Variants in TOR1AIP1 observed in about 807,000 individuals in gnomAD.
TOR1AIP1 encodes the protein torsin-1A-interacting protein 1.
A neutral mutation model predicts 63.3 loss-of-function variants in TOR1AIP1; 54 were observed. The observed-to-expected ratio is 0.85, with a 90% CI of 0.69 to 1.07. TOR1AIP1 has a LOEUF of 1.07. TOR1AIP1 is among the 50% of genes least tolerant of loss of function. The probability of loss-of-function intolerance (pLI) is 0.00; values close to 1 mark genes in which losing one functional copy is unlikely to be tolerated. For missense variants in TOR1AIP1, 736 were observed against 715.0 expected (o/e 1.03, Z -0.33); for synonymous variants, 294 against 273.5 (o/e 1.07, Z -0.74).
At chr1:179,898,821 T>A (rs1354226956) in intron 3 of TOR1AIP1, among the ~76,000 whole-genome samples, 1 of 151,678 alleles carries the variant, frequency 6.6e-6, no homozygotes, top group Non-Finnish European at 1.5e-5. Flanking sequence ...CTAAGAAACC[T>A]AGAGCAAAAT....
chr1:179,883,811 A>G (rs1467575698), intron 1 of TOR1AIP1: 2 of 387,290 alleles, frequency 5.2e-6, no homozygotes, highest in African/African-American at 2.1e-5. Flanking sequence ...TCCTTAATCT[A>G]TCCTCTCCCA....
intron 1 of TOR1AIP1, among the ~76,000 whole-genome samples, chr1:179,883,319 T>C (rs1315669056): frequency 6.6e-6 from 1 of 152,200 alleles, no homozygotes; most frequent in African/African-American, 2.4e-5. Context: ...GTCGGTTTCA[T>C]TTCGGTTCCC....
At chr1:179,905,847 G>A (rs1648617493) in intron 6 of TOR1AIP1, among the ~76,000 whole-genome samples, 1 of 152,104 alleles carries the variant, frequency 6.6e-6, no homozygotes, top group Admixed American at 6.6e-5. Context: ...CAGCTACTTG[G>A]GAGGCTGAGG....
intron 8 of TOR1AIP1, chr1:179,913,721 G>A: frequency 1.4e-6 from 1 of 697,062 alleles, no homozygotes; most frequent in South Asian, 1.5e-5. Flanking sequence ...TACTTAATGG[G>A]TCAAATACTT....
In TOR1AIP1 at chr1:179,889,382, T is replaced by C. The variant is rs1647997304; in HGVS notation, c.610+13T>C. 4 of 1,600,672 alleles carry C rather than the reference T, an allele frequency of 2.5e-6. No homozygotes were observed. Among genetic ancestry groups the C allele is most frequent in the Non-Finnish European group, 3.4e-6 (4 of 1,170,228 alleles). ...TACCCAAGATATGGTAAGAGATTGTTTGTCTGTTGGTTTACCTTTGTTATA... is the reference window on the plus strand; with the variant it reads ...TACCCAAGATATGGTAAGAGATTGTCTGTCTGTTGGTTTACCTTTGTTATA... On this transcript the variant is annotated intron_variant, in intron 3 of 9. Transcript: ENST00000606911.
intron 3 of TOR1AIP1, among the ~76,000 whole-genome samples, chr1:179,889,683 C>G (rs1648006712): frequency 6.8e-6 from 1 of 147,764 alleles, no homozygotes; most frequent in South Asian, 2.1e-4. Flanking sequence ...GAGACAAGAT[C>G]TCGCTCTGTC....
intron 5 of TOR1AIP1, among the ~76,000 whole-genome samples, chr1:179,901,874 G>A (rs920640782): frequency 6.6e-6 from 1 of 151,712 alleles, no homozygotes; most frequent in African/African-American, 2.4e-5. Flanking sequence ...CCAGTTTGAG[G>A]CTTAAGATAA....
intron 9 of TOR1AIP1, among the ~76,000 whole-genome samples, chr1:179,915,257 A>G (rs1018379377): frequency 6.6e-6 from 1 of 152,244 alleles, no homozygotes; most frequent in African/African-American, 2.4e-5. Flanking sequence ...GAAATAGGAT[A>G]TCTAAAACCA....
chr1:179,886,829 C>G (rs1558038589), intron 2 of TOR1AIP1, among the ~76,000 whole-genome samples: 1 of 152,116 alleles, frequency 6.6e-6, no homozygotes, highest in South Asian at 2.1e-4. Flanking sequence ...TGCTTTTATA[C>G]TACATCTAAT....
At chr1:179,895,905 T>A (rs1206003497) in intron 3 of TOR1AIP1, among the ~76,000 whole-genome samples, 1 of 150,894 alleles carries the variant, frequency 6.6e-6, no homozygotes, top group Admixed American at 6.6e-5. Context: ...GGTGACAGAG[T>A]GAGACTCTGT....
At chr1:179,916,276 C>T (rs1648987356) in intron 9 of TOR1AIP1, among the ~76,000 whole-genome samples, 1 of 152,166 alleles carries the variant, frequency 6.6e-6, no homozygotes, top group South Asian at 2.1e-4. Context: ...CAAATGTCAA[C>T]ACAAGGTGAA....
At chr1:179,903,141 A>G (rs1173624686) in intron 5 of TOR1AIP1, among the ~76,000 whole-genome samples, 2 of 152,174 alleles carry the variant, frequency 1.3e-5, no homozygotes, top group East Asian at 3.8e-4. Flanking sequence ...TAAGAAGAGT[A>G]GACTGAAAGC....
chr1:179,884,862 C>T, intron 2 of TOR1AIP1, 93 bp downstream of exon 2: 5 of 949,680 alleles, frequency 5.3e-6, no homozygotes, highest in East Asian at 2.7e-5. Flanking sequence ...AAAGAAAAGA[C>T]AAGGGCAGAC....
intron 8 of TOR1AIP1, among the ~76,000 whole-genome samples, chr1:179,911,873 A>G (rs947364169): frequency 1.3e-5 from 2 of 152,096 alleles, no homozygotes; most frequent in Non-Finnish European, 2.9e-5. Context: ...TGTAGAATCA[A>G]TAGCAACTAT....
At chr1:179,896,433 A>G (rs1449273697) in intron 3 of TOR1AIP1, among the ~76,000 whole-genome samples, 3 of 150,868 alleles carry the variant, frequency 2.0e-5, no homozygotes, top group African/African-American at 7.3e-5. Flanking sequence ...CACCTTCTTT[A>G]TGTCAGTGAC....
chr1:179,896,632 G>A (rs149330546), intron 3 of TOR1AIP1, among the ~76,000 whole-genome samples: 9 of 152,114 alleles, frequency 5.9e-5, no homozygotes, highest in East Asian at 5.8e-4. Context: ...AGGTTGAGGC[G>A]GTTTTATGAG....
At chr1:179,907,917 T>TC (rs1648704576) in intron 7 of TOR1AIP1, 53 bp downstream of exon 7, 3 of 1,164,158 alleles carry the variant, frequency 2.6e-6, no homozygotes, top group East Asian at 5.7e-5. Flanking sequence ...TTTTCTCTTT[T>TC]TTTTTTTTTT....
intron 9 of TOR1AIP1, among the ~76,000 whole-genome samples, chr1:179,916,464 G>T (rs894257019): frequency 4.6e-5 from 7 of 152,048 alleles, no homozygotes; most frequent in African/African-American, 1.7e-4. Context: ...AAGTATTATT[G>T]TTACTATCAA....
At chr1:179,899,088 A>G (rs1240231314) in intron 3 of TOR1AIP1, among the ~76,000 whole-genome samples, 2 of 152,184 alleles carry the variant, frequency 1.3e-5, no homozygotes, top group African/African-American at 4.8e-5. Flanking sequence ...TGCTTTCTAT[A>G]ATACTATTGT....
Sources: allele counts gnomAD v4.1 joint callset (sites outside exome capture counted in the v4.1 genomes callset), GRCh38; gene constraint gnomAD v4.1.1; transcripts MANE v1.5; gene names NCBI Gene and HGNC (gene_info 2026-07-23, HGNC 2026-07-21).